Variants in PACRG observed in about 807,000 individuals in gnomAD.
PACRG encodes parkin coregulated gene protein.
In PACRG, 29 loss-of-function variants were observed where a neutral mutation model predicts 29.7. That is an observed-to-expected ratio of 0.98 (90% CI 0.73 to 1.33). The LOEUF (loss-of-function observed/expected upper bound fraction) is 1.33. Among genes scored for constraint, PACRG ranks in the 40% most tolerant of loss-of-function variants. The pLI, the probability that PACRG is intolerant of heterozygous loss-of-function variation, is 0.00. For missense variants in PACRG, 279 were observed against 316.2 expected, an observed-to-expected ratio of 0.88 and a Z score of 0.89; for synonymous variants, 116 against 118.7, an observed-to-expected ratio of 0.98 and a Z score of 0.15.
At chr6:163,272,940 G>A (rs1379277298) in intron 4 of PACRG, among the ~76,000 whole-genome samples, 1 of 118,506 alleles carries the variant, frequency 8.4e-6, no homozygotes, top group Non-Finnish European at 1.6e-5. Flanking sequence ...CGCCCAGGCT[G>A]GAGTGCAGTG....
At chr6:163,197,781 C>A (rs948440671) in intron 4 of PACRG, among the ~76,000 whole-genome samples, 1 of 152,118 alleles carries the variant, frequency 6.6e-6, no homozygotes, top group Middle Eastern at 3.2e-3. Flanking sequence ...AATGTTCTCT[C>A]TTTACCTTCC....
intron 2 of PACRG, among the ~76,000 whole-genome samples, chr6:162,870,202 G>A (rs973542680): frequency 2.6e-5 from 4 of 152,178 alleles, no homozygotes; most frequent in African/African-American, 9.7e-5. Context: ...TTTTTCACAT[G>A]CAGGGAATGC....
chr6:163,184,524 A>G (rs1779825438), intron 4 of PACRG, among the ~76,000 whole-genome samples: 1 of 152,202 alleles, frequency 6.6e-6, no homozygotes, highest in Non-Finnish European at 1.5e-5. Flanking sequence ...CCATTTCACT[A>G]AGAATTACTA....
At chr6:163,210,967 A>C (rs1781112993) in intron 4 of PACRG, among the ~76,000 whole-genome samples, 1 of 152,194 alleles carries the variant, frequency 6.6e-6, no homozygotes, top group Admixed American at 6.5e-5. Context: ...AAAATGGAAA[A>C]ATGTCTTCGT....
intron 3 of PACRG, among the ~76,000 whole-genome samples, chr6:163,078,014 C>A (rs1029973429): frequency 2.0e-5 from 3 of 152,170 alleles, no homozygotes; most frequent in South Asian, 2.1e-4. Context: ...CCGAATCCGC[C>A]GTGCATTAAC....
intron 4 of PACRG, among the ~76,000 whole-genome samples, chr6:163,096,421 G>T (rs1474806149): frequency 2.0e-5 from 3 of 152,236 alleles, no homozygotes; most frequent in African/African-American, 7.2e-5. Flanking sequence ...AGGGGAAGAT[G>T]CTTGGGCAGA....
intron 1 of PACRG, among the ~76,000 whole-genome samples, chr6:162,782,195 A>G (rs1317240702): frequency 6.6e-6 from 1 of 151,982 alleles, no homozygotes; most frequent in Admixed American, 6.5e-5. Flanking sequence ...TAAAGGAATC[A>G]GTTTATCAAG....
intron 2 of PACRG, among the ~76,000 whole-genome samples, chr6:162,933,601 CTT>C (rs71008119): frequency 0.011 from 850 of 74,616 alleles, 5 homozygotes; most frequent in African/African-American, 0.031. Context: ...CTTTCTGTAT[CTT>C]TTTTTTTTTT....
At chr6:163,121,991 T>A (rs764195412) in intron 4 of PACRG, among the ~76,000 whole-genome samples, 3 of 152,170 alleles carry the variant, frequency 2.0e-5, no homozygotes, top group Non-Finnish European at 4.4e-5. Flanking sequence ...TCTTTTTTCT[T>A]TTCACTTGCT....
In PACRG at chr6:162,777,264, A is replaced by G. The variant is rs1009472484; in HGVS notation, c.157-36883A>G. ...ACGTTGTTTTTCTCCACTTCGGGAC[A>G]TGCAGTTGGCCATGTGCTCACAGGC... On this transcript the variant is annotated intron_variant, in intron 1 of 4. Transcript: ENST00000366888. This position sits in a 1 kb window ranked among gnomAD's most constrained non-coding sequence, Gnocchi z 4.0. 4.6e-5 allele frequency among the ~76,000 whole-genome samples: 7 copies of G among 152,306 alleles called. No homozygotes were observed. The highest frequency in any genetic ancestry group is 1.4e-4 in the African/African-American group (6 of 41,570).
At chr6:163,014,789 T>C (rs1685986919) in intron 2 of PACRG, among the ~76,000 whole-genome samples, 1 of 152,178 alleles carries the variant, frequency 6.6e-6, no homozygotes. Flanking sequence ...CTTCTTCCAT[T>C]CTGTAGGCTG....
At chr6:163,113,193 T>C (rs1361329294) in intron 4 of PACRG, among the ~76,000 whole-genome samples, 2 of 152,148 alleles carry the variant, frequency 1.3e-5, no homozygotes, top group Admixed American at 1.3e-4. Context: ...AATTACAGAA[T>C]CTGAGGAATA....
chr6:162,873,936 CT>C (rs1793044175), intron 2 of PACRG, among the ~76,000 whole-genome samples: 1 of 152,128 alleles, frequency 6.6e-6, no homozygotes, highest in South Asian at 2.1e-4. Context: ...AAGTTATCTT[CT>C]TTTCAATAAA....
At chr6:162,744,023 T>C (rs945072054) in intron 1 of PACRG, among the ~76,000 whole-genome samples, 3 of 152,210 alleles carry the variant, frequency 2.0e-5, no homozygotes, top group African/African-American at 7.2e-5. Flanking sequence ...CTCTTTTATA[T>C]GGTTGTTACT....
intron 2 of PACRG, among the ~76,000 whole-genome samples, chr6:162,941,814 A>G (rs1426326770): frequency 6.6e-6 from 1 of 152,210 alleles, no homozygotes; most frequent in African/African-American, 2.4e-5. Flanking sequence ...ACAGAAATCA[A>G]ATAACCATGT....
At chr6:162,745,239 A>G (rs1780897335) in intron 1 of PACRG, among the ~76,000 whole-genome samples, 1 of 152,192 alleles carries the variant, frequency 6.6e-6, no homozygotes, top group African/African-American at 2.4e-5. Context: ...TTGCAAGGAC[A>G]CAGATGAAGC....
intron 4 of PACRG, among the ~76,000 whole-genome samples, chr6:163,302,718 A>G (rs4709699): frequency 0.46 from 69,656 of 152,128 alleles, 18,187 homozygotes; most frequent in African/African-American, 0.72. Flanking sequence ...TAGGCAAGCT[A>G]AGATATATCC....
chr6:162,730,004 T>G (rs1306750884), intron 1 of PACRG, among the ~76,000 whole-genome samples: 1 of 152,038 alleles, frequency 6.6e-6, no homozygotes. Flanking sequence ...GAAATCGTAA[T>G]TCTTAAATGC....
intron 2 of PACRG, among the ~76,000 whole-genome samples, chr6:162,943,624 T>C (rs902239024): frequency 1.3e-5 from 2 of 152,082 alleles, no homozygotes; most frequent in African/African-American, 2.4e-5. Context: ...CAGGCACCAC[T>C]TGGGGAGCCT....
Sources: gnomAD v4.1 joint callset for allele counts (sites outside exome capture counted in the v4.1 genomes callset) on GRCh38, gnomAD v4.1.1 for gene constraint, Gnocchi (gnomAD v3.1) non-coding constraint, MANE v1.5 for transcripts, NCBI Gene and HGNC (gene_info 2026-07-23, HGNC 2026-07-21) for gene names.